Variants in SFMBT2 observed in about 807,000 individuals in gnomAD.
SFMBT2 encodes the protein Scm like with four mbt domains 2, also known as scm-like with four MBT domains protein 2.
SFMBT2 carries 38 observed loss-of-function variants against 110.1 expected under a neutral mutation model. That is an observed-to-expected ratio of 0.35 (90% confidence interval 0.27 to 0.45). The LOEUF (loss-of-function observed/expected upper bound fraction) is 0.45, where lower values mean the gene tolerates loss of function less well. SFMBT2 is among the 20% of genes least tolerant of loss of function. SFMBT2 has a pLI of 1.00. For synonymous variants in SFMBT2, 425 were observed against 425.4 expected, an observed-to-expected ratio of 1.00 and a Z score of 0.01; for missense variants, 1,011 against 1,094.9, an observed-to-expected ratio of 0.92 and a Z score of 1.08.
intron 4 of SFMBT2, among the ~76,000 whole-genome samples, chr10:7,364,032 A>T (rs969210794): frequency 1.5e-4 from 23 of 152,176 alleles, no homozygotes; most frequent in Non-Finnish European, 1.9e-4. Flanking sequence ...AGAAAAAAAA[A>T]CACACAAATA....
intron 16 of SFMBT2, among the ~76,000 whole-genome samples, chr10:7,187,803 C>A (rs1404420574): frequency 1.3e-5 from 2 of 152,200 alleles, no homozygotes; most frequent in African/African-American, 4.8e-5. Flanking sequence ...TAGATATCCT[C>A]TAGCCACTGA....
intron 20 of SFMBT2, among the ~76,000 whole-genome samples, chr10:7,168,303 TGAC>T (rs1478461748): frequency 3.9e-5 from 6 of 152,212 alleles, no homozygotes; most frequent in Admixed American, 2.6e-4. Context: ...CAGGAGCTAT[TGAC>T]GTTTCAAGGT....
intron 10 of SFMBT2, among the ~76,000 whole-genome samples, chr10:7,222,361 T>G (rs1189548053): frequency 6.6e-6 from 1 of 152,236 alleles, no homozygotes; most frequent in African/African-American, 2.4e-5. Context: ...CAGGCTGCTG[T>G]GGCAAAATAC....
intron 10 of SFMBT2, among the ~76,000 whole-genome samples, chr10:7,222,326 G>A (rs1839768508): frequency 6.6e-6 from 1 of 152,182 alleles, no homozygotes; most frequent in African/African-American, 2.4e-5. Context: ...AACTTTTCAT[G>A]TAAACGTAAG....
chr10:7,172,717 C>A lies in SFMBT2; in HGVS notation c.1985-56G>T, dbSNP rs1837926353. 13 of 1,530,416 alleles carry A rather than the reference C, an allele frequency of 8.5e-6. No individual in the cohort carries two copies. The allele number at this position is 1,530,416 out of a possible 1,614,324, so 94.8% of individuals were successfully genotyped here. On this transcript the variant is annotated intron_variant, in intron 17 of 20. Coordinates refer to ENST00000397167, the MANE Select transcript of SFMBT2 (RefSeq NM_001387889.1). This position sits in a 1 kb window ranked among gnomAD's most constrained non-coding sequence, Gnocchi z 4.6. Reference sequence around the variant, plus strand: ...GGCTATACACACACACAGACATGAACAGAGAGAGGAGAGAGAAAGAAGGGA... The same window carrying A: ...GGCTATACACACACACAGACATGAAAAGAGAGAGGAGAGAGAAAGAAGGGA...
Position 7,312,083 on chromosome 10 carries a change from G to C in SFMBT2, c.437-26129C>G, listed in dbSNP as rs377010173. ...CACACACAGGGGCCTGTCGTGGAGT[G>C]GGGGGAGGGAGGAGGGATAGCATTA... is the stretch of plus-strand genomic sequence containing the variant. On this transcript the variant is annotated intron_variant, in intron 4 of 20. Coordinates refer to ENST00000397167, the MANE Select transcript of SFMBT2 (RefSeq NM_001387889.1). 1.2e-3 allele frequency among the ~76,000 whole-genome samples: 176 copies of C among 152,246 alleles called. 1 individual carries two copies. The highest frequency in any genetic ancestry group is 2.9e-3 in the African/African-American group (120 of 41,528).
intron 1 of SFMBT2, among the ~76,000 whole-genome samples, chr10:7,407,444 G>T (rs1413375071): frequency 1.3e-5 from 2 of 152,078 alleles, no homozygotes; most frequent in African/African-American, 4.8e-5. Context: ...AAGAGGGGTC[G>T]GCCTCGTCTA....
At position 7,206,399 on chromosome 10, in the gene SFMBT2, A is replaced by G. The variant is rs113206485; in HGVS notation, c.1331-471T>C. 292 of 985,446 alleles carry G rather than the reference A, an allele frequency of 3.0e-4. 2 individuals carry two copies. The African/African-American group carries it at 4.2e-3, about 14-fold the overall frequency. 61.0% of individuals were successfully genotyped at this position (985,446 alleles called of 1,614,324 possible). The stretch of plus-strand genomic sequence containing the variant: ...TAACACCAAGTAAAGGCAACCTTCA[A>G]TGAAAGAAAGTCAAGCATCACAGCT... On this transcript the variant is annotated intron_variant, in intron 11 of 20. Transcript: ENST00000397167.
chr10:7,318,237 C>T (rs1843072212), intron 4 of SFMBT2, among the ~76,000 whole-genome samples: 1 of 152,220 alleles, frequency 6.6e-6, no homozygotes, highest in Non-Finnish European at 1.5e-5. Flanking sequence ...CTAAAGACCA[C>T]GGTTTCACAA....
chr10:7,163,715 A>G lies in SFMBT2; in HGVS notation c.*55T>C, dbSNP rs1459421425. 6 of 1,515,454 alleles carry G rather than the reference A, an allele frequency of 4.0e-6. No homozygotes were observed. The Admixed American group carries it at 1.1e-4, about 27-fold the overall frequency. 93.9% of individuals were successfully genotyped at this position (1,515,454 alleles called of 1,614,324 possible). On this transcript the variant is annotated 3_prime_UTR_variant, in exon 21 of 21. Transcript: ENST00000397167. The surrounding 1 kb of genome is among the most constrained non-coding windows in gnomAD (Gnocchi z 4.8). The stretch of plus-strand genomic sequence containing the variant: ...CGGAAAATCAAAGTTTCAGTCCTGG[A>G]AACCTTTACCAACACCGCATCCCAG...
At chr10:7,403,903 C>T (rs1157488101) in intron 1 of SFMBT2, among the ~76,000 whole-genome samples, 3 of 152,138 alleles carry the variant, frequency 2.0e-5, no homozygotes, top group Non-Finnish European at 4.4e-5. Context: ...TGGCCAACAG[C>T]AGATATTTAA....
At chr10:7,320,905 C>G (rs75830819) in intron 4 of SFMBT2, among the ~76,000 whole-genome samples, 2,062 of 152,282 alleles carry the variant, frequency 0.014, 45 homozygotes, top group African/African-American at 0.046. Flanking sequence ...GCCAACGGCC[C>G]AGTTCCTCCA....
At position 7,170,814 on chromosome 10, in the gene SFMBT2, C is replaced by A; in HGVS notation, c.2544+114G>T. On this transcript the variant is annotated intron_variant, in intron 20 of 20. Transcript: ENST00000397167. This position sits in a 1 kb window ranked among gnomAD's most constrained non-coding sequence, Gnocchi z 4.6. The stretch of plus-strand genomic sequence containing the variant: ...AGAAGGGTCTCGCACACCTGCCGAG[C>A]AGCGCCGAAGAACCCCCTCGCAGGT... 1.6e-6 allele frequency: 2 copies of A among 1,276,448 alleles called. No homozygotes were observed. Among genetic ancestry groups the A allele is most frequent in the Non-Finnish European group, 2.2e-6 (2 of 909,190 alleles). The allele number at this position is 1,276,448 out of a possible 1,614,324, so 79.1% of individuals were successfully genotyped here.
chr10:7,167,659 A>G (rs1588757296), intron 20 of SFMBT2, among the ~76,000 whole-genome samples: 2 of 152,320 alleles, frequency 1.3e-5, no homozygotes, highest in East Asian at 1.9e-4. Context: ...ACCAATTAGT[A>G]AAAATTAGTA....
chr10:7,409,343 G>A (rs967795941), intron 1 of SFMBT2: 7 of 152,140 alleles, frequency 4.6e-5, no homozygotes, highest in Admixed American at 2.6e-4. Context: ...CACAAGGCGA[G>A]AGCTAGCTCG....
intron 17 of SFMBT2, among the ~76,000 whole-genome samples, chr10:7,175,481 G>A (rs998336816): frequency 1.3e-5 from 2 of 152,210 alleles, no homozygotes; most frequent in African/African-American, 4.8e-5. Flanking sequence ...GAAAGTGATG[G>A]TGGCTTCTGA....
intron 9 of SFMBT2, among the ~76,000 whole-genome samples, chr10:7,234,277 C>G (rs777080773): frequency 6.6e-6 from 1 of 151,688 alleles, no homozygotes. Context: ...AAGCACTAGC[C>G]CTACCGCCTT....
At chr10:7,332,967 A>T (rs1485822056) in intron 4 of SFMBT2, among the ~76,000 whole-genome samples, 2 of 152,154 alleles carry the variant, frequency 1.3e-5, no homozygotes, top group East Asian at 3.9e-4. Context: ...CCTGGGTTCA[A>T]GTGATTCTCC....
chr10:7,363,756 C>CTAAGTT (rs1844803037), intron 4 of SFMBT2, among the ~76,000 whole-genome samples: 1 of 152,138 alleles, frequency 6.6e-6, no homozygotes, highest in Admixed American at 6.5e-5. Context: ...GAAGGGGACT[C>CTAAGTT]ACCCATGGAG....
Sources: allele counts gnomAD v4.1 joint callset (sites outside exome capture counted in the v4.1 genomes callset), GRCh38; gene constraint gnomAD v4.1.1; non-coding constraint Gnocchi (gnomAD v3.1); transcripts MANE v1.5; gene names NCBI Gene and HGNC (gene_info 2026-07-23, HGNC 2026-07-21).